Variants in VWA8 observed in about 807,000 individuals in gnomAD.
VWA8 encodes the protein von Willebrand factor A domain-containing protein 8.
Under a neutral mutation model 241.5 loss-of-function variants are expected in VWA8, and 221 were observed. The ratio of observed to expected loss-of-function variants is 0.91; its 90% CI spans 0.82 to 1.02. The LOEUF (loss-of-function observed/expected upper bound fraction) is 1.02. Among genes scored for constraint, VWA8 ranks in the 50% least tolerant of loss-of-function variants. VWA8 has a pLI of 0.00. For synonymous variants in VWA8, 852 were observed against 827.1 expected (o/e 1.03, Z -0.52); for missense variants, 2,322 against 2,328.7 (o/e 1.00, Z 0.06).
chr13:41,744,224 C>G (rs2045587916), intron 21 of VWA8, among the ~76,000 whole-genome samples: 1 of 152,236 alleles, frequency 6.6e-6, no homozygotes, highest in Non-Finnish European at 1.5e-5. Flanking sequence ...CCTTCACTTC[C>G]TTACAGATTT....
Position 41,732,171 on chromosome 13 carries a change from C to A in VWA8, c.2427-16G>T. 1 of 1,602,612 alleles carries A rather than the reference C, an allele frequency of 6.2e-7. No individual in the cohort carries two copies. ...TGTGGTATCCCTAAAGTAAAACCAA[C>A]ACATTTTATAGTTAGGAAGGAAATA... On this transcript the variant is annotated splice_polypyrimidine_tract_variant and intron_variant, in intron 21 of 44. Coordinates refer to ENST00000379310, the MANE Select transcript of VWA8 (RefSeq NM_015058.2).
intron 12 of VWA8, among the ~76,000 whole-genome samples, chr13:41,842,699 G>T (rs991674792): frequency 6.6e-6 from 1 of 152,218 alleles, no homozygotes; most frequent in African/African-American, 2.4e-5. Flanking sequence ...TATAGGTGCA[G>T]ATAATACAGT....
intron 21 of VWA8, among the ~76,000 whole-genome samples, chr13:41,756,520 A>C (rs2045695962): frequency 1.3e-5 from 2 of 151,688 alleles, no homozygotes; most frequent in Admixed American, 1.3e-4. Context: ...TTGAGAGCTG[A>C]TTTTAATTTC....
At chr13:41,813,768 G>T (rs552496154) in intron 16 of VWA8, among the ~76,000 whole-genome samples, 1 of 152,020 alleles carries the variant, frequency 6.6e-6, no homozygotes. Context: ...TTGAATAAAG[G>T]GTTTGGTAAT....
At chr13:41,921,928 A>G (rs1350799254) in intron 2 of VWA8, among the ~76,000 whole-genome samples, 1 of 152,198 alleles carries the variant, frequency 6.6e-6, no homozygotes, top group African/African-American at 2.4e-5. Flanking sequence ...GAATTGGAAA[A>G]GACTACTTTA....
chr13:41,638,747 A>G (rs1253899097), intron 37 of VWA8, among the ~76,000 whole-genome samples: 1 of 152,194 alleles, frequency 6.6e-6, no homozygotes, highest in African/African-American at 2.4e-5. Context: ...TAATCCCTTT[A>G]TGAGGCTTTA....
At chr13:41,812,644 T>C (rs1870522430) in intron 16 of VWA8, among the ~76,000 whole-genome samples, 1 of 152,212 alleles carries the variant, frequency 6.6e-6, no homozygotes, top group Non-Finnish European at 1.5e-5. Flanking sequence ...TCCTTCCTTG[T>C]GTATTTCACA....
chr13:41,573,367 G>A (rs1415179288), intron 43 of VWA8, among the ~76,000 whole-genome samples: 1 of 150,188 alleles, frequency 6.7e-6, no homozygotes, highest in Non-Finnish European at 1.5e-5. Flanking sequence ...GTAGCGGGCC[G>A]AGATTGTGCC....
chr13:41,724,820 T>C (rs767849882), intron 24 of VWA8, among the ~76,000 whole-genome samples: 3 of 152,178 alleles, frequency 2.0e-5, no homozygotes, highest in Admixed American at 6.5e-5. Flanking sequence ...TGTTCAAGTA[T>C]TGTATAATTT....
At chr13:41,738,696 A>G (rs962211148) in intron 21 of VWA8, among the ~76,000 whole-genome samples, 1 of 152,218 alleles carries the variant, frequency 6.6e-6, no homozygotes, top group Non-Finnish European at 1.5e-5. Flanking sequence ...GGCATTCAAC[A>G]TGACCTAATT....
At chr13:41,749,277 G>A (rs1466171285) in intron 21 of VWA8, among the ~76,000 whole-genome samples, 5 of 152,192 alleles carry the variant, frequency 3.3e-5, no homozygotes, top group Non-Finnish European at 5.9e-5. Context: ...CTGGCCATCA[G>A]AGAAATGCAA....
chr13:41,758,408 A>G lies in VWA8; in HGVS notation c.2426+2720T>C, dbSNP rs1490989433. Among the ~76,000 whole-genome samples, 16 of 76,350 alleles carry G rather than the reference A, an allele frequency of 2.1e-4. 2 individuals are homozygous for G. The highest frequency in any genetic ancestry group is 3.5e-4 in the Non-Finnish European group (12 of 34,044). 50.1% of individuals were successfully genotyped at this position (76,350 alleles called of 152,430 possible). A position where few individuals can be genotyped will look rare whatever the true frequency, so the allele number is the denominator to read the frequency against. ...TATATATATACGCTAGTATATATAT[A>G]TATATATATATATATATATATACGC... On this transcript the variant is annotated intron_variant, in intron 21 of 44. Transcript: ENST00000379310.
At chr13:41,807,043 T>G (rs949322153) in intron 17 of VWA8, among the ~76,000 whole-genome samples, 1 of 152,082 alleles carries the variant, frequency 6.6e-6, no homozygotes, top group Non-Finnish European at 1.5e-5. Context: ...AAAGGATCAT[T>G]AGAAGCTACC....
chr13:41,760,072 A>G (rs961451692), intron 21 of VWA8, among the ~76,000 whole-genome samples: 5 of 151,822 alleles, frequency 3.3e-5, no homozygotes, highest in Non-Finnish European at 5.9e-5. Flanking sequence ...CCTACTTCTA[A>G]ACATAGACTT....
intron 1 of VWA8, among the ~76,000 whole-genome samples, chr13:41,959,706 ATTC>A (rs1878523537): frequency 7.2e-6 from 1 of 139,802 alleles, no homozygotes; most frequent in African/African-American, 2.7e-5. Context: ...GGTTCACGCC[ATTC>A]TTCTGCCTCA....
In VWA8 at chr13:41,629,208, A is replaced by G. The variant is rs149914911; in HGVS notation, c.4612-14124T>C. Among the ~76,000 whole-genome samples the G allele has an allele frequency of 1.9e-3, 289 of 152,306 alleles. 5 individuals are homozygous for G. In the East Asian group the frequency reaches 0.049, roughly 26 times the overall value. On this transcript the variant is annotated intron_variant, in intron 37 of 44. Coordinates refer to ENST00000379310, the MANE Select transcript of VWA8 (RefSeq NM_015058.2). ...AGTAAAATACCTAGGAATATCATTA[A>G]CCAGGGAGGTGAAAGATCTCTACTA...
intron 39 of VWA8, among the ~76,000 whole-genome samples, chr13:41,608,841 T>C (rs1349722918): frequency 6.6e-6 from 1 of 152,206 alleles, no homozygotes; most frequent in Non-Finnish European, 1.5e-5. Context: ...AGTTAATACA[T>C]TCTTGATATG....
Position 41,568,123 on chromosome 13 carries a change from T to C in VWA8, c.*74A>G. ...GCATGGGTTCACTTCATCCATATCT[T>C]CTTTTTTTCAGAATACTCTTTATTC... On this transcript the variant is annotated 3_prime_UTR_variant, in exon 45 of 45. Coordinates refer to ENST00000379310, the MANE Select transcript of VWA8 (RefSeq NM_015058.2). 7.6e-7 allele frequency: 1 copy of C among 1,314,464 alleles called. No homozygotes were observed. The highest frequency in any genetic ancestry group is 1.1e-6 in the Non-Finnish European group (1 of 918,494). 81.4% of individuals were successfully genotyped at this position (1,314,464 alleles called of 1,614,324 possible). A position where few individuals can be genotyped will look rare whatever the true frequency, so the allele number is the denominator to read the frequency against.
rs1012506789 is a variant in VWA8 at position 41,611,499 on chromosome 13, A to T, written c.4877+77T>A. ...GAGGTGGAGGTGGAAACACACACAA[A>T]TCTAGGTTTCCCCACAGTCCATCAT... On this transcript the variant is annotated intron_variant, in intron 39 of 44. Coordinates refer to ENST00000379310, the MANE Select transcript of VWA8 (RefSeq NM_015058.2). 7 of 1,515,902 alleles carry T rather than the reference A, an allele frequency of 4.6e-6. No individual in the cohort carries two copies. The African/African-American group carries it at 9.6e-5, about 21-fold the overall frequency. The allele number at this position is 1,515,902 out of a possible 1,614,324, so 93.9% of individuals were successfully genotyped here.
Sources: gnomAD v4.1 joint callset for allele counts (sites outside exome capture counted in the v4.1 genomes callset) on GRCh38, gnomAD v4.1.1 for gene constraint, MANE v1.5 for transcripts, NCBI Gene and HGNC (gene_info 2026-07-23, HGNC 2026-07-21) for gene names.